Variants in SYT1 observed in about 807,000 individuals in gnomAD.
SYT1 encodes the protein synaptotagmin 1, also known as synaptotagmin-1.
SYT1 carries 8 observed loss-of-function variants against 44.8 expected under a neutral mutation model. The ratio of observed to expected loss-of-function variants is 0.18; its 90% CI spans 0.10 to 0.32. The LOEUF (loss-of-function observed/expected upper bound fraction) is 0.32. Ranked by LOEUF, SYT1 falls within the 10% of genes least tolerant of loss-of-function variation. The pLI is 1.00. For missense variants in SYT1, 286 were observed against 509.3 expected (o/e 0.56, Z 4.22); for synonymous variants, 154 against 188.8 (o/e 0.82, Z 1.51).
intron 3 of SYT1, among the ~76,000 whole-genome samples, chr12:79,089,437 C>T: frequency 6.6e-6 from 1 of 150,906 alleles, no homozygotes; most frequent in East Asian, 2.0e-4. Flanking sequence ...TTTACTGCCT[C>T]TGCCTAGCAT....
At chr12:79,205,507 C>T (rs1874069669) in intron 3 of SYT1, among the ~76,000 whole-genome samples, 1 of 152,092 alleles carries the variant, frequency 6.6e-6, no homozygotes, top group Admixed American at 6.5e-5. Context: ...ATCAGCAAAA[C>T]AATGTTAAAC....
At position 78,904,468 on chromosome 12, in the gene SYT1, T is replaced by C. The variant is rs138173963; in HGVS notation, c.-217+39359T>C. Reference sequence around the variant, plus strand: ...GAGAACATGGATGTATAAAACATCATAACCTCTATTCACCAGTTTTCGAGT... The same window carrying C: ...GAGAACATGGATGTATAAAACATCACAACCTCTATTCACCAGTTTTCGAGT... On this transcript the variant is annotated intron_variant, in intron 1 of 10. Transcript: ENST00000261205. Among the ~76,000 whole-genome samples the C allele has an allele frequency of 1.1e-3, 165 of 152,262 alleles. 1 individual carries two copies. In the East Asian group the frequency reaches 0.012, roughly 11 times the overall value.
chr12:78,878,021 C>G (rs1161070648), intron 1 of SYT1, among the ~76,000 whole-genome samples: 1 of 151,742 alleles, frequency 6.6e-6, no homozygotes, highest in Admixed American at 6.6e-5. Context: ...AATCTAGCAC[C>G]AATGCTGTTA....
At chr12:79,117,937 T>C (rs1482970166) in intron 3 of SYT1, among the ~76,000 whole-genome samples, 2 of 151,820 alleles carry the variant, frequency 1.3e-5, no homozygotes, top group Non-Finnish European at 2.9e-5. Context: ...TTTCCACAAA[T>C]GGCTATCATC....
At chr12:79,320,672 G>C (rs1266750761) in intron 8 of SYT1, among the ~76,000 whole-genome samples, 23 of 114,630 alleles carry the variant, frequency 2.0e-4, no homozygotes, top group Non-Finnish European at 3.7e-4. Context: ...TTTTTTTTGA[G>C]ACAGAGTGGT....
rs566846361 is a variant in SYT1, at chr12:79,430,760, T to C, written c.929-13313T>C. On this transcript the variant is annotated intron_variant, in intron 9 of 10. Transcript: ENST00000261205. ...ATGATTGTGCCACTGCACTCCAGCC[T>C]GGGCAACAGAGCAAGACTCTTGTCT... Among the ~76,000 whole-genome samples, 6 of 152,306 alleles carry C rather than the reference T, an allele frequency of 3.9e-5. No individual in the cohort carries two copies. The East Asian group carries it at 5.8e-4, about 15-fold the overall frequency.
At chr12:79,375,278 C>T (rs967043042) in intron 9 of SYT1, among the ~76,000 whole-genome samples, 7 of 152,056 alleles carry the variant, frequency 4.6e-5, no homozygotes, top group African/African-American at 1.4e-4. Flanking sequence ...TTCGTGGGCG[C>T]TTCCTGGAGA....
chr12:79,307,428 A>G (rs1165762826), intron 8 of SYT1, among the ~76,000 whole-genome samples: 1 of 152,146 alleles, frequency 6.6e-6, no homozygotes, highest in East Asian at 1.9e-4. Context: ...TTTATAAGCC[A>G]GGTATTGTGC....
At chr12:79,226,503 G>A (rs1033782289) in intron 4 of SYT1, among the ~76,000 whole-genome samples, 1 of 152,086 alleles carries the variant, frequency 6.6e-6, no homozygotes, top group Non-Finnish European at 1.5e-5. Context: ...ATGGAGATTT[G>A]CCTTTGACCA....
chr12:79,227,560 G>A (rs902216430), intron 4 of SYT1, among the ~76,000 whole-genome samples: 1 of 152,154 alleles, frequency 6.6e-6, no homozygotes, highest in Non-Finnish European at 1.5e-5. Context: ...TATAATTTAT[G>A]CAGAAATGTT....
intron 3 of SYT1, among the ~76,000 whole-genome samples, chr12:79,133,200 A>C (rs1251497662): frequency 2.0e-5 from 3 of 152,120 alleles, no homozygotes; most frequent in African/African-American, 7.2e-5. Flanking sequence ...CAAGAACTGT[A>C]TATTGTGTGT....
In SYT1 at chr12:79,444,791, A is replaced by C. The variant is rs567387763; in HGVS notation, c.1062+585A>C. 6.4e-4 allele frequency among the ~76,000 whole-genome samples: 97 copies of C among 152,264 alleles called. 1 individual carries two copies. The highest frequency in any genetic ancestry group is 2.3e-3 in the African/African-American group (94 of 41,580). ...CAATAATTATGAAGGGAAATATTCT[A>C]TTAAATATCCTTGTAGTTAATATGT... On this transcript the variant is annotated intron_variant, in intron 10 of 10. Transcript: ENST00000261205.
chr12:79,134,224 G>A (rs1565821161), intron 3 of SYT1, among the ~76,000 whole-genome samples: 1 of 152,088 alleles, frequency 6.6e-6, no homozygotes, highest in Non-Finnish European at 1.5e-5. Flanking sequence ...TGGAAGCATG[G>A]AAAAAAACTA....
At chr12:79,052,564 T>C (rs1476599858) in intron 3 of SYT1, among the ~76,000 whole-genome samples, 2 of 151,948 alleles carry the variant, frequency 1.3e-5, no homozygotes, top group African/African-American at 4.8e-5. Context: ...TCAGAGTGAA[T>C]AGGCAGCCTA....
At chr12:79,257,699 G>A (rs1877603377) in intron 4 of SYT1, among the ~76,000 whole-genome samples, 1 of 152,176 alleles carries the variant, frequency 6.6e-6, no homozygotes, top group African/African-American at 2.4e-5. Flanking sequence ...ATGTTAGCCA[G>A]GATGATCTCG....
chr12:78,920,391 G>A (rs867770176), intron 1 of SYT1, among the ~76,000 whole-genome samples: 1 of 151,918 alleles, frequency 6.6e-6, no homozygotes, highest in Non-Finnish European at 1.5e-5. Context: ...GACAAAATAT[G>A]CATCATAGAC....
At chr12:79,408,707 ATTTT>A (rs1220111068) in intron 9 of SYT1, among the ~76,000 whole-genome samples, 2 of 144,822 alleles carry the variant, frequency 1.4e-5, no homozygotes, top group Non-Finnish European at 3.0e-5. Context: ...CCTAGACCAC[ATTTT>A]TTTCTTTCCT....
chr12:79,335,764 A>G (rs1352300198), intron 8 of SYT1, among the ~76,000 whole-genome samples: 5 of 152,180 alleles, frequency 3.3e-5, no homozygotes, highest in East Asian at 3.9e-4. Context: ...CTTTTCTCCA[A>G]GCACTTTCTT....
chr12:79,144,065 G>C (rs1358518220), intron 3 of SYT1, among the ~76,000 whole-genome samples: 1 of 152,144 alleles, frequency 6.6e-6, no homozygotes, highest in Non-Finnish European at 1.5e-5. Flanking sequence ...ACAGGCTTCA[G>C]CTAATGGCAC....
Sources: allele counts gnomAD v4.1 joint callset (sites outside exome capture counted in the v4.1 genomes callset), GRCh38; gene constraint gnomAD v4.1.1; transcripts MANE v1.5; gene names NCBI Gene and HGNC (gene_info 2026-07-23, HGNC 2026-07-21).